The following ANO3 variants were observed in gnomAD, a reference collection of about 807,000 sequenced individuals.
The protein encoded by ANO3 is anoctamin 3.
In ANO3, 99 loss-of-function variants were observed where a neutral mutation model predicts 144.8. That is an observed-to-expected ratio of 0.68 (90% CI 0.58 to 0.81). The LOEUF is 0.81. Ranked by LOEUF, ANO3 falls within the 30% of genes least tolerant of loss-of-function variation. The probability of loss-of-function intolerance (pLI) is 0.00; values close to 1 mark genes in which losing one functional copy is unlikely to be tolerated. For missense variants in ANO3, 905 were observed against 1,202.2 expected (o/e 0.75, Z 3.66); for synonymous variants, 414 against 392.6 (o/e 1.05, Z -0.64).
chr11:26,314,382 A>G (rs549431953), intron 1 of ANO3, among the ~76,000 whole-genome samples: 1 of 152,308 alleles, frequency 6.6e-6, no homozygotes, highest in South Asian at 2.1e-4. Context: ...TAAAGATAGT[A>G]TTAGGATTGA....
chr11:26,641,528 T>TG (rs1306384444), intron 21 of ANO3, among the ~76,000 whole-genome samples: 1 of 152,000 alleles, frequency 6.6e-6, no homozygotes, highest in East Asian at 1.9e-4. Context: ...TTTCTATAGG[T>TG]GGGGAGAGGG....
At chr11:26,384,767 C>T (rs1856680225) in intron 1 of ANO3, among the ~76,000 whole-genome samples, 1 of 152,132 alleles carries the variant, frequency 6.6e-6, no homozygotes, top group Non-Finnish European at 1.5e-5. Context: ...TTCTTACTCC[C>T]TAGACACTAT....
At chr11:26,348,017 C>G (rs1267154905) in intron 1 of ANO3, among the ~76,000 whole-genome samples, 1 of 152,028 alleles carries the variant, frequency 6.6e-6, no homozygotes, top group Non-Finnish European at 1.5e-5. Flanking sequence ...TTTCCCAGCT[C>G]GAAAATATCC....
chr11:26,600,304 C>G (rs533725916), intron 17 of ANO3, among the ~76,000 whole-genome samples: 4 of 70,712 alleles, frequency 5.7e-5, no homozygotes, highest in African/African-American at 2.0e-4. Context: ...CTTTCCTCCC[C>G]TCTCCTCTCC....
intron 17 of ANO3, among the ~76,000 whole-genome samples, chr11:26,620,813 T>C (rs1246829826): frequency 6.6e-6 from 1 of 152,150 alleles, no homozygotes; most frequent in African/African-American, 2.4e-5. Context: ...CCAATTACAG[T>C]GCAAATAAGC....
chr11:26,321,563 A>G (rs1286811060), intron 1 of ANO3, among the ~76,000 whole-genome samples: 1 of 152,020 alleles, frequency 6.6e-6, no homozygotes, highest in African/African-American at 2.4e-5. Flanking sequence ...CAAGTTCTAT[A>G]AGCTATATAT....
intron 1 of ANO3, among the ~76,000 whole-genome samples, chr11:26,190,942 C>G (rs1354608345): frequency 6.6e-6 from 1 of 152,128 alleles, no homozygotes; most frequent in Non-Finnish European, 1.5e-5. Flanking sequence ...TTATTGCAGT[C>G]GCATTTATGT....
chr11:26,252,235 A>T (rs1852944504), intron 1 of ANO3, among the ~76,000 whole-genome samples: 1 of 152,204 alleles, frequency 6.6e-6, no homozygotes, highest in Non-Finnish European at 1.5e-5. Context: ...ACTTAGTCTG[A>T]TTCTAGAGTA....
chr11:26,243,695 T>C (rs1207341491), intron 1 of ANO3, among the ~76,000 whole-genome samples: 1 of 152,200 alleles, frequency 6.6e-6, no homozygotes, highest in East Asian at 1.9e-4. Flanking sequence ...TGAATCTCAA[T>C]TCAAGATGTT....
chr11:26,271,934 A>C (rs1390624811), intron 1 of ANO3, among the ~76,000 whole-genome samples: 1 of 152,176 alleles, frequency 6.6e-6, no homozygotes, highest in Non-Finnish European at 1.5e-5. Flanking sequence ...GGCTAGCAGC[A>C]ATGTTTAGTA....
intron 9 of ANO3, among the ~76,000 whole-genome samples, chr11:26,537,008 T>TGTTA (rs1565088648): frequency 7.4e-6 from 1 of 134,460 alleles, no homozygotes; most frequent in Non-Finnish European, 1.6e-5. Context: ...TCCTTTAAAT[T>TGTTA]TTTTTTTTTT....
intron 3 of ANO3, among the ~76,000 whole-genome samples, chr11:26,445,809 G>A (rs1356617157): frequency 6.6e-6 from 1 of 151,840 alleles, no homozygotes; most frequent in Admixed American, 6.6e-5. Context: ...ATCTATGAGT[G>A]TTTTTTATTA....
chr11:26,603,820 T>C (rs1851864091), intron 17 of ANO3, among the ~76,000 whole-genome samples: 1 of 152,202 alleles, frequency 6.6e-6, no homozygotes, highest in Non-Finnish European at 1.5e-5. Flanking sequence ...GTATATTTAT[T>C]TTAATTCACA....
chr11:26,415,822 T>C (rs1857569933), intron 1 of ANO3, among the ~76,000 whole-genome samples: 1 of 152,102 alleles, frequency 6.6e-6, no homozygotes, highest in Admixed American at 6.6e-5. Flanking sequence ...AGCATTATTT[T>C]CTATAATGTC....
chr11:26,190,840 A>G (rs1302496405), intron 1 of ANO3, among the ~76,000 whole-genome samples: 1 of 152,296 alleles, frequency 6.6e-6, no homozygotes, highest in Non-Finnish European at 1.5e-5. Flanking sequence ...CTCAAACTCA[A>G]CACATCCCAG....
In ANO3 at chr11:26,505,037, A is replaced by G. The variant is rs12363987; in HGVS notation, c.433-3067A>G. 7.2e-3 allele frequency among the ~76,000 whole-genome samples: 892 copies of G among 124,368 alleles called. 7 individuals carry two copies. Among genetic ancestry groups the G allele is most frequent in the Non-Finnish European group, 0.012 (631 of 54,550 alleles). 81.6% of individuals were successfully genotyped at this position (124,368 alleles called of 152,430 possible). A position where few individuals can be genotyped will look rare whatever the true frequency, so the allele number is the denominator to read the frequency against. On this transcript the variant is annotated intron_variant, in intron 4 of 26. Coordinates refer to ENST00000256737, the MANE Select transcript of ANO3 (RefSeq NM_031418.4). ...AAAAAAAAAAAAAAAAAAAAAAAAA[A>G]AAGAAGAGAAAAGGTAGAAGCAAAG... is the stretch of plus-strand genomic sequence containing the variant.
Position 26,611,476 on chromosome 11 carries a change from G to T in ANO3, c.1836+11762G>T, listed in dbSNP as rs77541995. Among the ~76,000 whole-genome samples the T allele has an allele frequency of 9.3e-4, 141 of 152,174 alleles. 3 individuals are homozygous for T. The East Asian group carries it at 0.025, about 27-fold the overall frequency. On this transcript the variant is annotated intron_variant, in intron 17 of 26. Transcript: ENST00000256737. ...AATATTGTGGTCTAAAAGGATACTC[G>T]ATATGATCTCTGTCTTCTTAAATTT...
At chr11:26,257,395 C>T (rs961929072) in intron 1 of ANO3, among the ~76,000 whole-genome samples, 28 of 152,034 alleles carry the variant, frequency 1.8e-4, no homozygotes, top group African/African-American at 6.3e-4. Context: ...GACTCCAAAA[C>T]CATTGCTTCA....
chr11:26,263,850 G>A (rs1327977182), intron 1 of ANO3, among the ~76,000 whole-genome samples: 3 of 152,166 alleles, frequency 2.0e-5, no homozygotes, highest in East Asian at 3.9e-4. Flanking sequence ...GGACACATGA[G>A]TATCATTTGG....
Sources: gnomAD v4.1 joint callset for allele counts (sites outside exome capture counted in the v4.1 genomes callset) on GRCh38, gnomAD v4.1.1 for gene constraint, MANE v1.5 for transcripts, NCBI Gene and HGNC (gene_info 2026-07-23, HGNC 2026-07-21) for gene names.